The following MGAT5 variants were observed in gnomAD, a reference collection of about 807,000 sequenced individuals.
The protein encoded by MGAT5 is alpha-1,6-mannosylglycoprotein 6-beta-N-acetylglucosaminyltransferase A.
In MGAT5, 30 loss-of-function variants were observed where a neutral mutation model predicts 94.3. The observed-to-expected ratio is 0.32, with a 90% CI of 0.24 to 0.43. The LOEUF is 0.43. Ranked by LOEUF, MGAT5 falls within the 20% of genes least tolerant of loss-of-function variation. The pLI, the probability that MGAT5 is intolerant of heterozygous loss-of-function variation, is 1.00. For synonymous variants in MGAT5, 310 were observed against 322.9 expected, an observed-to-expected ratio of 0.96 and a Z score of 0.43; for missense variants, 691 against 905.5, an observed-to-expected ratio of 0.76 and a Z score of 3.04.
chr2:134,161,709 G>A (rs903887622), intron 1 of MGAT5, among the ~76,000 whole-genome samples: 4 of 152,096 alleles, frequency 2.6e-5, no homozygotes, highest in African/African-American at 4.8e-5. Context: ...TTTGCATATC[G>A]AGTTCAATCT....
At chr2:134,275,578 CTTTTTTTTT>C (rs11409592) in intron 2 of MGAT5, among the ~76,000 whole-genome samples, 1 of 79,594 alleles carries the variant, frequency 1.3e-5, no homozygotes. Flanking sequence ...GTGCTATTTC[CTTTTTTTTT>C]TTTTTTTTTT....
At chr2:134,133,952 T>C (rs574495668) in intron 1 of MGAT5, among the ~76,000 whole-genome samples, 1 of 152,280 alleles carries the variant, frequency 6.6e-6, no homozygotes, top group African/African-American at 2.4e-5. Context: ...GATACTACTG[T>C]CAGAGATCCT....
chr2:134,419,873 G>A (rs1684201140), intron 12 of MGAT5, among the ~76,000 whole-genome samples: 1 of 152,130 alleles, frequency 6.6e-6, no homozygotes, highest in Non-Finnish European at 1.5e-5. Flanking sequence ...TGACATTGAT[G>A]GCAACTTTAA....
chr2:134,256,360 C>A lies in MGAT5; in HGVS notation c.241+1716C>A, dbSNP rs138418237. On this transcript the variant is annotated intron_variant, in intron 1 of 15. Coordinates refer to ENST00000281923, the MANE Select transcript of MGAT5 (RefSeq NM_002410.5). ...TAACACAGGTGCAGTTTTAAAGTTTCTGGTTGTATGCATTTCATGTTACAG... is the reference window on the plus strand; with the variant it reads ...TAACACAGGTGCAGTTTTAAAGTTTATGGTTGTATGCATTTCATGTTACAG... Among the ~76,000 whole-genome samples the A allele has an allele frequency of 7.9e-5, 12 of 152,322 alleles. No homozygotes were observed. In the East Asian group the frequency reaches 2.1e-3, roughly 27 times the overall value.
At chr2:134,332,340 G>T (rs1688027315) in intron 4 of MGAT5, among the ~76,000 whole-genome samples, 1 of 151,410 alleles carries the variant, frequency 6.6e-6, no homozygotes, top group South Asian at 2.1e-4. Context: ...AATGGGGAAA[G>T]GATTCCCTAT....
At chr2:134,344,893 T>G in intron 7 of MGAT5, 37 bp from the exon 8 acceptor site, 1 of 1,601,916 alleles carries the variant, frequency 6.2e-7, no homozygotes, top group Non-Finnish European at 8.5e-7. Flanking sequence ...AAATGATTTT[T>G]CTCTTTTTTC....
At position 134,152,180 on chromosome 2, in the gene MGAT5, C is replaced by T. The variant is rs371937999; in HGVS notation, c.-143+31889C>T. ...ACCATGGGACCTCATTCACTCACAC[C>T]CTATGGGACCTGCCCACCGCCATGG... On this transcript the variant is annotated intron_variant, in intron 1 of 16. Coordinates refer to the MGAT5 transcript ENST00000409645. 1.4e-3 allele frequency among the ~76,000 whole-genome samples: 203 copies of T among 143,670 alleles called. 9 individuals carry two copies. The highest frequency in any genetic ancestry group is 5.0e-3 in the African/African-American group (192 of 38,128). The allele number at this position is 143,670 out of a possible 152,430, so 94.3% of individuals were successfully genotyped here.
At chr2:134,175,350 T>G (rs2105138712) in intron 1 of MGAT5, among the ~76,000 whole-genome samples, 1 of 152,358 alleles carries the variant, frequency 6.6e-6, no homozygotes, top group Non-Finnish European at 1.5e-5. Flanking sequence ...CTTTGGAAGA[T>G]ATTTGCTTTG....
At chr2:134,300,282 A>G (rs1685936983) in intron 2 of MGAT5, among the ~76,000 whole-genome samples, 1 of 152,136 alleles carries the variant, frequency 6.6e-6, no homozygotes, top group Non-Finnish European at 1.5e-5. Context: ...TCCTGCAGAT[A>G]GGCTGAAAAA....
chr2:134,300,762 AGT>A, intron 2 of MGAT5, among the ~76,000 whole-genome samples: 1 of 152,290 alleles, frequency 6.6e-6, no homozygotes, highest in East Asian at 1.9e-4. Flanking sequence ...CTTGTTGTAG[AGT>A]AAGTTCCAGT....
At chr2:134,233,801 C>T (rs1681491801) in intron 1 of MGAT5, among the ~76,000 whole-genome samples, 1 of 152,156 alleles carries the variant, frequency 6.6e-6, no homozygotes, top group Non-Finnish European at 1.5e-5. Flanking sequence ...TTCAAGAGGG[C>T]ACAGGGCTGG....
At chr2:134,237,600 A>G (rs1681713670) in intron 1 of MGAT5, among the ~76,000 whole-genome samples, 1 of 150,876 alleles carries the variant, frequency 6.6e-6, no homozygotes, top group Admixed American at 6.7e-5. Context: ...AAAGGAACTC[A>G]ACTTATATAA....
At chr2:134,235,326 C>T (rs1681580832) in intron 1 of MGAT5, among the ~76,000 whole-genome samples, 2 of 152,172 alleles carry the variant, frequency 1.3e-5, no homozygotes, top group South Asian at 4.1e-4. Flanking sequence ...CTTGGGATTG[C>T]TTTAAATTAT....
At chr2:134,297,754 AT>A (rs887254873) in intron 2 of MGAT5, among the ~76,000 whole-genome samples, 19 of 150,500 alleles carry the variant, frequency 1.3e-4, no homozygotes, top group African/African-American at 2.7e-4. Context: ...GAACTGTTTA[AT>A]TTTTTTTTTC....
chr2:134,329,643 T>C (rs1220100251), intron 4 of MGAT5, among the ~76,000 whole-genome samples: 1 of 152,062 alleles, frequency 6.6e-6, no homozygotes, highest in Non-Finnish European at 1.5e-5. Flanking sequence ...AGTCTGTGCT[T>C]CGGCGTCTTC....
At position 134,336,275 on chromosome 2, in the gene MGAT5, A is replaced by G; in HGVS notation, c.632A>G (p.Asp211Gly). The G allele has an allele frequency of 6.2e-7, 1 of 1,612,584 alleles. No individual in the cohort carries two copies. Among genetic ancestry groups the G allele is most frequent in the Non-Finnish European group, 8.5e-7 (1 of 1,179,156 alleles). ...WRAKNPYEEADHNSLAEIRTD... is the reference protein window; with the variant it reads ...WRAKNPYEEAGHNSLAEIRTD... ...GCAAAAAATCCCTACGAAGAAGCTG[A>G]TCATAATTCATTGGTAAGTGATTTT... The change falls in exon 5 of 16, where the codon GAT becomes GGT. Residue 211 changes from aspartate to glycine, a missense_variant. Coordinates refer to ENST00000281923, the MANE Select transcript of MGAT5 (RefSeq NM_002410.5).
intron 1 of MGAT5, among the ~76,000 whole-genome samples, chr2:134,240,312 A>C (rs1426986773): frequency 6.6e-6 from 1 of 151,428 alleles, no homozygotes; most frequent in Non-Finnish European, 1.5e-5. Flanking sequence ...CTCATCCCCT[A>C]GGGATTTTTG....
chr2:134,139,826 G>A (rs902364012), intron 1 of MGAT5, among the ~76,000 whole-genome samples: 16 of 152,278 alleles, frequency 1.1e-4, no homozygotes, highest in African/African-American at 3.9e-4. Context: ...GCCATCCACA[G>A]GCCAGGCCAC....
chr2:134,256,042 C>T (rs1355874922), intron 1 of MGAT5, among the ~76,000 whole-genome samples: 1 of 152,098 alleles, frequency 6.6e-6, no homozygotes, highest in Non-Finnish European at 1.5e-5. Flanking sequence ...TTTTCTAGTT[C>T]TTACTATGTA....
Sources: gnomAD v4.1 joint callset for allele counts (sites outside exome capture counted in the v4.1 genomes callset) on GRCh38, gnomAD v4.1.1 for gene constraint, MANE v1.5 for transcripts, NCBI Gene and HGNC (gene_info 2026-07-23, HGNC 2026-07-21) for gene names.